EIF2AK3: variants seen among roughly 807,000 people sequenced by gnomAD.
The protein encoded by EIF2AK3 is eukaryotic translation initiation factor 2-alpha kinase 3.
In EIF2AK3, 50 loss-of-function variants were observed where a neutral mutation model predicts 113.5. The ratio of observed to expected loss-of-function variants is 0.44; its 90% CI spans 0.35 to 0.56. The LOEUF is 0.56. Ranked by LOEUF, EIF2AK3 falls within the 20% of genes least tolerant of loss-of-function variation. EIF2AK3 has a pLI of 0.00. For missense variants in EIF2AK3, 1,185 were observed against 1,378.0 expected, an observed-to-expected ratio of 0.86 and a Z score of 2.22; for synonymous variants, 448 against 495.4, an observed-to-expected ratio of 0.90 and a Z score of 1.27.
chr2:88,571,124 GA>G, intron 13 of EIF2AK3, 83 bp from the exon 14 acceptor site: 1 of 1,452,032 alleles, frequency 6.9e-7, no homozygotes, highest in Non-Finnish European at 9.6e-7. Context: ...AGACTACAAA[GA>G]AAAAATACAA....
Position 88,627,177 on chromosome 2 carries a change from G to GCGCGCCCCGCGGCCACCGTCCTTGC in EIF2AK3, c.73_97dup (p.Ala33GlyfsTer52). ...CGCCGTCGGCGCTGGGAGGCCACGG[G>GCGCGCCCCGCGGCCACCGTCCTTGC]CGCGCCCCGCGGCCACCGTCCTTGC... On this transcript the variant is annotated frameshift_variant, in exon 1 of 17. Transcript: ENST00000303236. LOFTEE classifies it high-confidence loss of function. 1 of 1,445,176 alleles carries GCGCGCCCCGCGGCCACCGTCCTTGC rather than the reference G, an allele frequency of 6.9e-7. No individual in the cohort carries two copies. Among genetic ancestry groups the GCGCGCCCCGCGGCCACCGTCCTTGC allele is most frequent in the African/African-American group, 1.5e-5 (1 of 67,262 alleles). The allele number at this position is 1,445,176 out of a possible 1,614,324, so 89.5% of individuals were successfully genotyped here.
In EIF2AK3 at chr2:88,577,853, T is replaced by C. The variant is rs72846121; in HGVS notation, c.1887-1150A>G. Among the ~76,000 whole-genome samples the C allele has an allele frequency of 1.9e-3, 288 of 152,334 alleles. 2 individuals are homozygous for C. Among genetic ancestry groups the C allele is most frequent in the Non-Finnish European group, 2.6e-3 (175 of 68,032 alleles). ...ACCTGTCTCCTACTGAGGGAAAGGC[T>C]ACTCTTGAGCACCCAGAGCAAATGC... On this transcript the variant is annotated intron_variant, in intron 11 of 16. Coordinates refer to ENST00000303236, the MANE Select transcript of EIF2AK3 (RefSeq NM_004836.7).
chr2:88,563,249 A>G (rs1220431040), intron 14 of EIF2AK3, among the ~76,000 whole-genome samples: 1 of 152,102 alleles, frequency 6.6e-6, no homozygotes, highest in South Asian at 2.1e-4. Context: ...AGGGTTTATG[A>G]TCCCTTCACA....
At chr2:88,591,119 C>G in intron 4 of EIF2AK3, 67 bp from the exon 5 acceptor site, 1 of 1,384,714 alleles carries the variant, frequency 7.2e-7, no homozygotes, top group Non-Finnish European at 1.0e-6. Flanking sequence ...ATATAGAACT[C>G]TTCTAGATTG....
intron 2 of EIF2AK3, among the ~76,000 whole-genome samples, chr2:88,604,999 G>A (rs1573415610): frequency 6.6e-6 from 1 of 152,058 alleles, no homozygotes; most frequent in Non-Finnish European, 1.5e-5. Flanking sequence ...TTTGATCCCC[G>A]ATTTTATCAT....
chr2:88,623,661 T>C (rs907170497), intron 1 of EIF2AK3, among the ~76,000 whole-genome samples: 8 of 152,260 alleles, frequency 5.3e-5, no homozygotes, highest in African/African-American at 1.7e-4. Context: ...TACCGGTCTA[T>C]TATTACTGAA....
chr2:88,578,366 G>A (rs750310911), intron 11 of EIF2AK3, among the ~76,000 whole-genome samples: 14 of 151,334 alleles, frequency 9.3e-5, no homozygotes, highest in Non-Finnish European at 1.8e-4. Context: ...TGGCCAACAC[G>A]GTGAAACACT....
chr2:88,611,372 GAAC>G (rs1675452163), intron 2 of EIF2AK3, among the ~76,000 whole-genome samples: 1 of 152,124 alleles, frequency 6.6e-6, no homozygotes, highest in Non-Finnish European at 1.5e-5. Flanking sequence ...ACAATGCTGG[GAAC>G]AACGTTATAT....
intron 1 of EIF2AK3, 69 bp downstream of exon 1, chr2:88,626,898 C>G: frequency 6.3e-7 from 1 of 1,582,836 alleles, no homozygotes; most frequent in East Asian, 2.3e-5. Flanking sequence ...ATCTCCGCCC[C>G]CCTACACCGC....
intron 4 of EIF2AK3, among the ~76,000 whole-genome samples, chr2:88,591,902 C>T (rs1450508333): frequency 6.6e-6 from 1 of 152,018 alleles, no homozygotes; most frequent in Non-Finnish European, 1.5e-5. Flanking sequence ...CTTAAAAAAA[C>T]AAAATCCAGT....
intron 9 of EIF2AK3, among the ~76,000 whole-genome samples, chr2:88,584,527 G>GAAAAAAAAAA (rs66817563): frequency 1.4e-5 from 1 of 73,332 alleles, no homozygotes; most frequent in Non-Finnish European, 2.5e-5. Flanking sequence ...CCCTGTCTCT[G>GAAAAAAAAAA]AAAAAAAAAA....
chr2:88,557,573 A>G lies in EIF2AK3; in HGVS notation c.*163T>C. 1.4e-6 allele frequency: 1 copy of G among 732,850 alleles called. No homozygotes were observed. Among genetic ancestry groups the G allele is most frequent in the Non-Finnish European group, 2.4e-6 (1 of 423,296 alleles). 45.4% of individuals were successfully genotyped at this position (732,850 alleles called of 1,614,324 possible). On this transcript the variant is annotated 3_prime_UTR_variant, in exon 17 of 17. Coordinates refer to ENST00000303236, the MANE Select transcript of EIF2AK3 (RefSeq NM_004836.7). ...CAAAACTCAGGAGTTGGCTCAAATT[A>G]GGTTATGCCCCCAAATCCAGCTTAA... is the stretch of plus-strand genomic sequence containing the variant.
At position 88,558,904 on chromosome 2, in the gene EIF2AK3, G is replaced by T; in HGVS notation, c.3150+13C>A. Reference sequence around the variant, plus strand: ...TGATTCTAAAGAAGATAAAAGATGAGAATTACACATACCTCACAAGGATAT... The same window carrying T: ...TGATTCTAAAGAAGATAAAAGATGATAATTACACATACCTCACAAGGATAT... On this transcript the variant is annotated intron_variant, in intron 16 of 16. Transcript: ENST00000303236. 6.4e-7 allele frequency: 1 copy of T among 1,574,706 alleles called. No individual in the cohort carries two copies. The highest frequency in any genetic ancestry group is 8.7e-7 in the Non-Finnish European group (1 of 1,145,036).
At chr2:88,591,738 C>T (rs1333504121) in intron 4 of EIF2AK3, among the ~76,000 whole-genome samples, 1 of 152,074 alleles carries the variant, frequency 6.6e-6, no homozygotes, top group Non-Finnish European at 1.5e-5. Context: ...TATAAAATGG[C>T]ATAGTTAAGA....
chr2:88,585,582 G>T (rs1674699749), intron 9 of EIF2AK3, among the ~76,000 whole-genome samples: 1 of 152,152 alleles, frequency 6.6e-6, no homozygotes. Flanking sequence ...CACACCCAAG[G>T]AGACCAGGAG....
At chr2:88,606,533 A>T (rs1675284244) in intron 2 of EIF2AK3, among the ~76,000 whole-genome samples, 1 of 152,246 alleles carries the variant, frequency 6.6e-6, no homozygotes, top group South Asian at 2.1e-4. Flanking sequence ...GCTATGCTTC[A>T]AAATAAACTG....
Position 88,563,077 on chromosome 2 carries a change from T to A in EIF2AK3, c.2986-687A>T, listed in dbSNP as rs186296923. ...CGACTAAAGAAAGCATTATTTAAAT[T>A]AAAATTGACCTTTTGGTGACTCAGA... On this transcript the variant is annotated intron_variant, in intron 14 of 16. Transcript: ENST00000303236. Among the ~76,000 whole-genome samples, 6 of 151,762 alleles carry A rather than the reference T, an allele frequency of 4.0e-5. No individual in the cohort carries two copies. In the East Asian group the frequency reaches 1.2e-3, roughly 29 times the overall value.
chr2:88,603,597 A>T (rs1675202475), intron 2 of EIF2AK3, among the ~76,000 whole-genome samples: 1 of 152,260 alleles, frequency 6.6e-6, no homozygotes, highest in Admixed American at 6.5e-5. Flanking sequence ...TCTGAAGGAA[A>T]GCAGGATAAT....
At chr2:88,575,531 C>A in intron 12 of EIF2AK3, 85 bp from the exon 13 acceptor site, 3 of 1,463,660 alleles carry the variant, frequency 2.0e-6, no homozygotes, top group Non-Finnish European at 2.8e-6. Flanking sequence ...TAAAAAGCTT[C>A]AACTGTAATA....
Sources: allele counts gnomAD v4.1 joint callset (sites outside exome capture counted in the v4.1 genomes callset), GRCh38; gene constraint gnomAD v4.1.1; transcripts MANE v1.5; gene names NCBI Gene and HGNC (gene_info 2026-07-23, HGNC 2026-07-21).